ZBTB24: variants seen among roughly 807,000 people sequenced by gnomAD.
The protein encoded by ZBTB24 is zinc finger and BTB domain containing 24, also known as zinc finger and BTB domain-containing protein 24.
Under a neutral mutation model 53.8 loss-of-function variants are expected in ZBTB24, and 32 were observed. That is an observed-to-expected ratio of 0.60 (90% CI 0.45 to 0.80). ZBTB24 has a LOEUF of 0.80. ZBTB24 is among the 30% of genes least tolerant of loss of function. The pLI is 0.00. For synonymous variants in ZBTB24, 297 were observed against 306.7 expected, an observed-to-expected ratio of 0.97 and a Z score of 0.33; for missense variants, 722 against 837.1, an observed-to-expected ratio of 0.86 and a Z score of 1.70.
intron 2 of ZBTB24, among the ~76,000 whole-genome samples, chr6:109,477,894 G>A (rs116785833): frequency 0.021 from 3,136 of 152,302 alleles, 100 homozygotes; most frequent in African/African-American, 0.072. Context: ...CCAGGCACCA[G>A]TAAGGACATG....
At chr6:109,473,390 C>T (rs2115358914) in intron 5 of ZBTB24, among the ~76,000 whole-genome samples, 1 of 152,220 alleles carries the variant, frequency 6.6e-6, no homozygotes, top group South Asian at 2.1e-4. Flanking sequence ...GCCCAGGGCT[C>T]CCCCTGCCTA....
intron 5 of ZBTB24, among the ~76,000 whole-genome samples, chr6:109,472,243 G>A (rs1776182279): frequency 6.6e-6 from 1 of 152,016 alleles, no homozygotes; most frequent in African/African-American, 2.4e-5. Flanking sequence ...GGGACAGATG[G>A]GTCATAGTTG....
Position 109,481,077 on chromosome 6 carries a change from G to A in ZBTB24, c.950C>T (p.Thr317Ile). Reference protein sequence around the residue: ...HFLAIHQRSHTGERPFKCNEC... With the variant: ...HFLAIHQRSHIGERPFKCNEC... The stretch of plus-strand genomic sequence containing the variant: ...ATCAGCTTTGAAAACATCATTACCT[G>A]TGTGGCTCCTCTGGTGGATTGCTAA... The change falls in exon 2 of 7, where the codon ACA (threonine) becomes ATA (isoleucine). Residue 317 changes from threonine to isoleucine, a missense_variant and splice_region_variant. Physicochemically the swap from Thr to Ile is moderately conservative, Grantham distance 89. Transcript: ENST00000230122. 1 of 1,613,944 alleles carries A rather than the reference G, an allele frequency of 6.2e-7. No individual in the cohort carries two copies.
intron 5 of ZBTB24, among the ~76,000 whole-genome samples, chr6:109,469,345 TAAC>T (rs1776119287): frequency 2.0e-5 from 3 of 152,212 alleles, no homozygotes; most frequent in South Asian, 4.1e-4. Context: ...CAATCATCCA[TAAC>T]AACATTAACT....
rs904183048 is a variant in ZBTB24, at chr6:109,462,978, G to A, written c.*2873C>T. 6.6e-6 allele frequency: 1 copy of A among 152,132 alleles called. No individual in the cohort carries two copies. Among genetic ancestry groups the A allele is most frequent in the Admixed American group, 6.5e-5 (1 of 15,272 alleles). The allele number at this position is 152,132 out of a possible 1,614,324, so 9.4% of individuals were successfully genotyped here. A position where few individuals can be genotyped will look rare whatever the true frequency, so the allele number is the denominator to read the frequency against. On this transcript the variant is annotated 3_prime_UTR_variant, in exon 7 of 7. Coordinates refer to ENST00000230122, the MANE Select transcript of ZBTB24 (RefSeq NM_014797.3). The stretch of plus-strand genomic sequence containing the variant: ...TTCATGTTCACGACATTTCTTTTGG[G>A]TACTCAAGTCATTTAACTTTTTTTT...
At chr6:109,479,579 C>T (rs1190291024) in intron 2 of ZBTB24, among the ~76,000 whole-genome samples, 1 of 152,192 alleles carries the variant, frequency 6.6e-6, no homozygotes, top group African/African-American at 2.4e-5. Context: ...TTTCTTAAGT[C>T]TTGTATAATG....
chr6:109,469,484 A>C (rs1035380200), intron 5 of ZBTB24, among the ~76,000 whole-genome samples: 1 of 152,194 alleles, frequency 6.6e-6, no homozygotes, highest in Non-Finnish European at 1.5e-5. Context: ...TGAGCAGGAC[A>C]GTGGGAAGGC....
intron 5 of ZBTB24, among the ~76,000 whole-genome samples, chr6:109,472,522 C>T (rs1307592411): frequency 1.3e-5 from 2 of 152,152 alleles, no homozygotes; most frequent in Admixed American, 1.3e-4. Context: ...GCAACAGAAC[C>T]AAGGGGAAGT....
intron 5 of ZBTB24, among the ~76,000 whole-genome samples, chr6:109,473,893 T>C (rs928872173): frequency 6.6e-5 from 10 of 151,726 alleles, no homozygotes; most frequent in Non-Finnish European, 1.3e-4. Flanking sequence ...GAGACCAGCC[T>C]GGCTAACATG....
chr6:109,482,546 G>A (rs1001606718), intron 1 of ZBTB24, among the ~76,000 whole-genome samples: 2 of 150,766 alleles, frequency 1.3e-5, no homozygotes, highest in Non-Finnish European at 3.0e-5. Flanking sequence ...AGGCTGGAGT[G>A]CAGTGGCGCA....
intron 5 of ZBTB24, among the ~76,000 whole-genome samples, chr6:109,469,912 G>A (rs1404471178): frequency 1.3e-5 from 2 of 152,134 alleles, no homozygotes; most frequent in Non-Finnish European, 2.9e-5. Flanking sequence ...ATCACTGTCA[G>A]GAGTCAGGAG....
chr6:109,467,159 A>C (rs1243546720), intron 6 of ZBTB24, among the ~76,000 whole-genome samples: 1 of 152,246 alleles, frequency 6.6e-6, no homozygotes, highest in Non-Finnish European at 1.5e-5. Flanking sequence ...TGAAATCAGT[A>C]ATGTAAACTT....
rs1185238367 is a variant in ZBTB24 at position 109,481,062 on chromosome 6, A to T, written c.952+13T>A. On this transcript the variant is annotated intron_variant, in intron 2 of 6. Transcript: ENST00000230122. ...CTGCAACACACTGCAATCAGCTTTG[A>T]AAACATCATTACCTGTGTGGCTCCT... 1 of 1,612,646 alleles carries T rather than the reference A, an allele frequency of 6.2e-7. No homozygotes were observed. The highest frequency in any genetic ancestry group is 8.5e-7 in the Non-Finnish European group (1 of 1,178,854).
intron 2 of ZBTB24, among the ~76,000 whole-genome samples, chr6:109,478,453 T>C (rs1168042721): frequency 6.6e-6 from 1 of 152,170 alleles, no homozygotes; most frequent in African/African-American, 2.4e-5. Context: ...CTCCAATTCA[T>C]CTGCATCTCA....
At position 109,482,000 on chromosome 6, in the gene ZBTB24, A is replaced by G; in HGVS notation, c.27T>C (p.Ser9=). The change falls in exon 2 of 7, where the codon TCT becomes TCC. Residue 9 remains serine, a synonymous_variant. Transcript: ENST00000230122. MAETSPEP[S]GQLVVHSDAH... ...CGTCTGAGTGTACAACAAGCTGCCC[A>G]GAAGGCTCTGGCGATGTTTCTGCCA... 1 of 1,614,254 alleles carries G rather than the reference A, an allele frequency of 6.2e-7. No homozygotes were observed. The highest frequency in any genetic ancestry group is 8.5e-7 in the Non-Finnish European group (1 of 1,180,042).
chr6:109,465,860 C>T lies in ZBTB24; in HGVS notation c.2085G>A (p.Glu695=), dbSNP rs753484112. 1 of 1,614,208 alleles carries T rather than the reference C, an allele frequency of 6.2e-7. No homozygotes were observed. The highest frequency in any genetic ancestry group is 8.5e-7 in the Non-Finnish European group (1 of 1,180,036). Residue 695 remains glutamate, a synonymous_variant, in exon 7 of 7, where the codon GAG becomes GAA. Transcript: ENST00000230122. The part of the protein sequence containing the change: ...HVPQPTPLGQ[E]QS ...CAAACGTGTTTACAGGTCAGCTCTG[C>T]TCCTGGCCAAGTGGCGTTGGCTGGG...
chr6:109,481,239 T>G lies in ZBTB24; in HGVS notation c.788A>C (p.Lys263Thr). The G allele has an allele frequency of 6.2e-7, 1 of 1,614,206 alleles. No homozygotes were observed. Among genetic ancestry groups the G allele is most frequent in the Non-Finnish European group, 8.5e-7 (1 of 1,180,034 alleles). Residue 263 changes from lysine to threonine, a missense_variant, in exon 2 of 7, where the codon AAA becomes ACA. Physicochemically the swap from Lys to Thr is moderately conservative, Grantham distance 78. Coordinates refer to ENST00000230122, the MANE Select transcript of ZBTB24 (RefSeq NM_014797.3). Reference sequence around the variant, plus strand: ...CCCAACAAGTTTGTAATCTTTAAGTTTGACGGATCTCCAAATCCTCCGCTT... The same window carrying G: ...CCCAACAAGTTTGTAATCTTTAAGTGTGACGGATCTCCAAATCCTCCGCTT... ...YSKRRIWRSV[K>T]LKDYKLVGDQ...
chr6:109,476,333 C>G (rs1036151439), intron 3 of ZBTB24, 75 bp from the exon 4 acceptor site: 77 of 1,491,678 alleles, frequency 5.2e-5, no homozygotes, highest in Non-Finnish European at 6.5e-5. Flanking sequence ...AAGGTAAATA[C>G]TACAGTGGGT....
chr6:109,471,728 G>A lies in ZBTB24; in HGVS notation c.1288+3671C>T, dbSNP rs1190866861. Among the ~76,000 whole-genome samples the A allele has an allele frequency of 2.6e-5, 4 of 152,164 alleles. No individual in the cohort carries two copies. The East Asian group carries it at 7.7e-4, about 29-fold the overall frequency. On this transcript the variant is annotated intron_variant, in intron 5 of 6. Transcript: ENST00000230122. ...CTAACTTGGCTTTCGGGTCACTAAT[G>A]TGAGGAAGGAGGTGCTGTGGGCAAC...
Sources: gnomAD v4.1 joint callset for allele counts (sites outside exome capture counted in the v4.1 genomes callset) on GRCh38, gnomAD v4.1.1 for gene constraint, MANE v1.5 for transcripts, NCBI Gene and HGNC (gene_info 2026-07-23, HGNC 2026-07-21) for gene names.